Variants in GALNT9 observed in about 807,000 individuals in gnomAD.
GALNT9 encodes GalNAc transferase 9.
Under a neutral mutation model 63.1 loss-of-function variants are expected in GALNT9, and 47 were observed. The observed-to-expected ratio is 0.75, with a 90% confidence interval of 0.59 to 0.95. The LOEUF (loss-of-function observed/expected upper bound fraction) is 0.95, where lower values mean the gene tolerates loss of function less well. Ranked by LOEUF, GALNT9 falls within the 40% of genes least tolerant of loss-of-function variation. GALNT9 has a pLI of 0.00. For synonymous variants in GALNT9, 396 were observed against 365.7 expected, an observed-to-expected ratio of 1.08 and a Z score of -0.94; for missense variants, 829 against 874.8, an observed-to-expected ratio of 0.95 and a Z score of 0.66.
intron 6 of GALNT9, among the ~76,000 whole-genome samples, chr12:132,225,267 C>G (rs1184164963): frequency 1.4e-5 from 2 of 142,386 alleles, no homozygotes; most frequent in African/African-American, 5.3e-5. Flanking sequence ...CCCCCACACA[C>G]CACACAACCC....
chr12:132,294,746 C>G (rs141573682), intron 1 of GALNT9, among the ~76,000 whole-genome samples: 3,332 of 69,896 alleles, frequency 0.048, 59 homozygotes, highest in Middle Eastern at 0.06. Context: ...GTCAGAGCCG[C>G]TTGGCTTTCC....
intron 6 of GALNT9, among the ~76,000 whole-genome samples, chr12:132,230,981 C>A (rs924647266): frequency 1.3e-5 from 2 of 151,886 alleles, no homozygotes; most frequent in African/African-American, 4.8e-5. Context: ...GCCACACACT[C>A]GATGGAGTGA....
intron 1 of GALNT9, among the ~76,000 whole-genome samples, chr12:132,303,169 T>A (rs1038121991): frequency 6.6e-6 from 1 of 151,962 alleles, no homozygotes; most frequent in Non-Finnish European, 1.5e-5. Flanking sequence ...CACCCGGTAG[T>A]CCCCGTCAGA....
chr12:132,215,716 CCACGTGGCT>C (rs901777772), intron 6 of GALNT9, among the ~76,000 whole-genome samples: 4 of 152,246 alleles, frequency 2.6e-5, no homozygotes, highest in Admixed American at 2.6e-4. Context: ...ATCACAGCCA[CCACGTGGCT>C]CACGTGGCAG....
intron 2 of GALNT9, among the ~76,000 whole-genome samples, chr12:132,263,639 G>A (rs1180819783): frequency 2.6e-5 from 4 of 152,186 alleles, no homozygotes; most frequent in African/African-American, 7.2e-5. Flanking sequence ...TGACCGGAAC[G>A]TGAGCGCCCT....
At chr12:132,215,236 G>A (rs1288253080) in intron 6 of GALNT9, among the ~76,000 whole-genome samples, 2 of 152,266 alleles carry the variant, frequency 1.3e-5, no homozygotes, top group African/African-American at 4.8e-5. Flanking sequence ...TGGTTTGCAG[G>A]TGACACAGCC....
chr12:132,221,350 CAAAAAAAAAAAAAA>C (rs869246524), intron 6 of GALNT9, among the ~76,000 whole-genome samples: 4 of 46,804 alleles, frequency 8.5e-5, no homozygotes, highest in African/African-American at 1.2e-4. Context: ...AGATTGTGTC[CAAAAAAAAAAAAAA>C]AAAAAAAAAA....
chr12:132,225,855 AC>A (rs1877654346), intron 6 of GALNT9, among the ~76,000 whole-genome samples: 1 of 139,454 alleles, frequency 7.2e-6, no homozygotes, highest in Non-Finnish European at 1.5e-5. Context: ...CACACCCCAC[AC>A]ACTGTGTATA....
chr12:132,196,558 C>G lies in GALNT9; in HGVS notation c.*549G>C. 1 of 986,370 alleles carries G rather than the reference C, an allele frequency of 1.0e-6. No homozygotes were observed. The highest frequency in any genetic ancestry group is 1.2e-6 in the Non-Finnish European group (1 of 830,618). The allele number at this position is 986,370 out of a possible 1,614,324, so 61.1% of individuals were successfully genotyped here. A position where few individuals can be genotyped will look rare whatever the true frequency, so the allele number is the denominator to read the frequency against. On this transcript the variant is annotated 3_prime_UTR_variant, in exon 11 of 11. Coordinates refer to ENST00000328957, the MANE Select transcript of GALNT9 (RefSeq NM_001122636.2). ...GTCTCTGCTGAAGCAGTCGTGCCAGCCTCCTAGACACGGCCTCAGGTTTGT... is the reference window on the plus strand; with the variant it reads ...GTCTCTGCTGAAGCAGTCGTGCCAGGCTCCTAGACACGGCCTCAGGTTTGT...
chr12:132,308,986 G>A (rs782377337), intron 1 of GALNT9, among the ~76,000 whole-genome samples: 45 of 152,320 alleles, frequency 3.0e-4, no homozygotes, highest in Non-Finnish European at 5.4e-4. Flanking sequence ...GCTGGTGCCC[G>A]GGAGGACGCT....
At chr12:132,278,266 C>G (rs1424349941) in intron 2 of GALNT9, 3 of 152,246 alleles carry the variant, frequency 2.0e-5, no homozygotes, top group Non-Finnish European at 4.4e-5. Flanking sequence ...GGGTATGTCT[C>G]AAGGTGTGGA....
At chr12:132,281,772 C>T (rs1880353304) in intron 2 of GALNT9, among the ~76,000 whole-genome samples, 1 of 152,214 alleles carries the variant, frequency 6.6e-6, no homozygotes, top group South Asian at 2.1e-4. Flanking sequence ...AGAGCCCCCA[C>T]TGTGCAGCAA....
rs151246554 is a variant in GALNT9 at position 132,282,406 on chromosome 12, T to C, written c.419+3844A>G. 5.3e-3 allele frequency among the ~76,000 whole-genome samples: 781 copies of C among 147,444 alleles called. 5 individuals are homozygous for C. The highest frequency in any genetic ancestry group is 0.017 in the African/African-American group (672 of 40,420). On this transcript the variant is annotated intron_variant, in intron 2 of 10. Transcript: ENST00000328957. This position sits in a 1 kb window ranked among gnomAD's most constrained non-coding sequence, Gnocchi z 4.5. The stretch of plus-strand genomic sequence containing the variant: ...AAAACTAAAAATACGTGTGTGCGCG[T>C]GTGTGCGTGTGTGTGCGTGTGTGCG...
chr12:132,239,159 T>C (rs28660475), intron 6 of GALNT9, among the ~76,000 whole-genome samples: 4 of 146,664 alleles, frequency 2.7e-5, no homozygotes, highest in Non-Finnish European at 6.0e-5. Context: ...AGCATTGACA[T>C]CTGTCAGAAC....
intron 2 of GALNT9, among the ~76,000 whole-genome samples, chr12:132,263,575 G>A (rs1267752352): frequency 1.3e-5 from 2 of 152,260 alleles, no homozygotes; most frequent in East Asian, 1.9e-4. Flanking sequence ...CCCCCTCACC[G>A]TCCTCAAGCG....
At chr12:132,281,206 G>A (rs1232412667) in intron 2 of GALNT9, among the ~76,000 whole-genome samples, 1 of 152,248 alleles carries the variant, frequency 6.6e-6, no homozygotes, top group Non-Finnish European at 1.5e-5. Flanking sequence ...GCGTCCACCG[G>A]GGTCTGCGTT....
intron 7 of GALNT9, 35 bp downstream of exon 7, chr12:132,203,470 G>T: frequency 1.2e-6 from 2 of 1,607,276 alleles, no homozygotes; most frequent in Non-Finnish European, 1.7e-6. Flanking sequence ...CGACCCTGGG[G>T]CATGGCCCCG....
chr12:132,290,285 T>C (rs1555242583), intron 1 of GALNT9, among the ~76,000 whole-genome samples: 2 of 152,090 alleles, frequency 1.3e-5, no homozygotes, highest in Admixed American at 6.5e-5. Flanking sequence ...CTGCCCAGCC[T>C]GGGCCCTAGG....
chr12:132,245,972 C>T lies in GALNT9; in HGVS notation c.1077+1938G>A, dbSNP rs1184809664. 6.6e-6 allele frequency among the ~76,000 whole-genome samples: 1 copy of T among 152,240 alleles called. No homozygotes were observed. On this transcript the variant is annotated intron_variant, in intron 6 of 10. Coordinates refer to ENST00000328957, the MANE Select transcript of GALNT9 (RefSeq NM_001122636.2). The surrounding 1 kb of genome is among the most constrained non-coding windows in gnomAD (Gnocchi z 6.3). ...GGTGGTGGCTGCGCACTGCCGGTCC[C>T]CGGCACCCTCCCCAGGCTGTCCTCC...
Sources: allele counts gnomAD v4.1 joint callset (sites outside exome capture counted in the v4.1 genomes callset), GRCh38; gene constraint gnomAD v4.1.1; non-coding constraint Gnocchi (gnomAD v3.1); transcripts MANE v1.5; gene names NCBI Gene and HGNC (gene_info 2026-07-23, HGNC 2026-07-21).